NRXN1: variants seen among roughly 807,000 people sequenced by gnomAD.
NRXN1 encodes the protein neurexin 1, also known as neurexin-1.
A neutral mutation model predicts 150.9 loss-of-function variants in NRXN1; 39 were observed. The observed-to-expected ratio is 0.26, with a 90% CI of 0.20 to 0.34. The LOEUF (loss-of-function observed/expected upper bound fraction) is 0.34. Among genes scored for constraint, NRXN1 ranks in the 10% least tolerant of loss-of-function variants. The probability of loss-of-function intolerance (pLI) is 1.00; values close to 1 mark genes in which losing one functional copy is unlikely to be tolerated. For missense variants in NRXN1, 1,815 were observed against 1,949.9 expected (o/e 0.93, Z 1.30); for synonymous variants, 924 against 757.0 (o/e 1.22, Z -3.62).
At chr2:50,810,312 A>G (rs541191218) in intron 5 of NRXN1, among the ~76,000 whole-genome samples, 1 of 152,272 alleles carries the variant, frequency 6.6e-6, no homozygotes, top group South Asian at 2.1e-4. Flanking sequence ...AACCTTTCAA[A>G]ATCTGTTTTC....
chr2:50,434,078 A>T (rs1364483787), intron 17 of NRXN1, among the ~76,000 whole-genome samples: 2 of 83,660 alleles, frequency 2.4e-5, no homozygotes, highest in Admixed American at 1.9e-4. Flanking sequence ...TTTTTTTGAG[A>T]CGGAGTCTTG....
intron 5 of NRXN1, among the ~76,000 whole-genome samples, chr2:50,734,173 G>A (rs1019425034): frequency 2.6e-5 from 4 of 152,114 alleles, no homozygotes; most frequent in Non-Finnish European, 4.4e-5. Flanking sequence ...AGGCCCCTAT[G>A]TCAAAGAATT....
intron 2 of NRXN1, among the ~76,000 whole-genome samples, chr2:50,968,372 T>A (rs1694452305): frequency 1.3e-5 from 2 of 152,226 alleles, no homozygotes; most frequent in South Asian, 4.2e-4. Context: ...TAACTTAATA[T>A]CAGCCATTAA....
At chr2:50,431,253 T>C (rs577244018) in intron 17 of NRXN1, among the ~76,000 whole-genome samples, 77 of 152,314 alleles carry the variant, frequency 5.1e-4, no homozygotes, top group African/African-American at 1.8e-3. Context: ...CTTAACACTA[T>C]CATAATTACC....
At chr2:50,223,637 T>C (rs2152861184) in intron 18 of NRXN1, among the ~76,000 whole-genome samples, 1 of 152,032 alleles carries the variant, frequency 6.6e-6, no homozygotes, top group Non-Finnish European at 1.5e-5. Context: ...TATTCCTAAT[T>C]AACAGTAATG....
intron 5 of NRXN1, among the ~76,000 whole-genome samples, chr2:50,754,802 C>T (rs555669766): frequency 3.3e-5 from 5 of 151,892 alleles, no homozygotes; most frequent in Admixed American, 6.6e-5. Context: ...TAGCTCAGAG[C>T]AATGCTCATT....
chr2:50,462,438 G>C (rs1463144762), intron 17 of NRXN1, among the ~76,000 whole-genome samples: 1 of 151,670 alleles, frequency 6.6e-6, no homozygotes, highest in East Asian at 1.9e-4. Context: ...GCACAGAATG[G>C]ATCAGAGGAA....
intron 15 of NRXN1, among the ~76,000 whole-genome samples, chr2:50,482,212 T>C (rs2090525687): frequency 6.6e-6 from 1 of 152,150 alleles, no homozygotes; most frequent in Non-Finnish European, 1.5e-5. Context: ...GTGGGCATGC[T>C]AAATGGGAAA....
intron 21 of NRXN1, among the ~76,000 whole-genome samples, chr2:49,982,401 T>C (rs1680130344): frequency 6.6e-6 from 1 of 152,064 alleles, no homozygotes. Flanking sequence ...TAGCAATGCT[T>C]CCAGCACATA....
chr2:50,520,925 TA>T (rs1265076803), intron 12 of NRXN1, among the ~76,000 whole-genome samples: 8 of 152,106 alleles, frequency 5.3e-5, no homozygotes, highest in African/African-American at 1.9e-4. Flanking sequence ...GAAAAATCTG[TA>T]AAAACAACTT....
intron 17 of NRXN1, among the ~76,000 whole-genome samples, chr2:50,458,483 T>C (rs1452768046): frequency 6.6e-6 from 1 of 152,166 alleles, no homozygotes; most frequent in Non-Finnish European, 1.5e-5. Flanking sequence ...TTTTAAATGA[T>C]GGATACCCAA....
At chr2:50,146,572 G>C (rs1307413718) in intron 18 of NRXN1, among the ~76,000 whole-genome samples, 1 of 151,160 alleles carries the variant, frequency 6.6e-6, no homozygotes, top group Non-Finnish European at 1.5e-5. Context: ...ACCCAAGGAT[G>C]CTGTGAAAAT....
intron 17 of NRXN1, among the ~76,000 whole-genome samples, chr2:50,289,340 T>C (rs1395859164): frequency 1.3e-5 from 2 of 152,144 alleles, no homozygotes; most frequent in Admixed American, 6.6e-5. Context: ...GGAGTGTGGA[T>C]CTGGGTAGCT....
At chr2:50,782,452 C>A (rs1366092936) in intron 5 of NRXN1, among the ~76,000 whole-genome samples, 1 of 151,486 alleles carries the variant, frequency 6.6e-6, no homozygotes, top group East Asian at 1.9e-4. Context: ...CTGGGTGACA[C>A]AACGAGACTC....
chr2:50,809,260 T>C (rs1370213376), intron 5 of NRXN1, among the ~76,000 whole-genome samples: 3 of 152,104 alleles, frequency 2.0e-5, no homozygotes, highest in Non-Finnish European at 2.9e-5. Flanking sequence ...AACTTCTCTC[T>C]GAAGAATAAA....
At chr2:50,230,312 T>C (rs2064820558) in intron 18 of NRXN1, among the ~76,000 whole-genome samples, 1 of 151,994 alleles carries the variant, frequency 6.6e-6, no homozygotes, top group Non-Finnish European at 1.5e-5. Context: ...AAAGTTAATA[T>C]GTTTCACTGG....
At chr2:50,442,120 A>T (rs1572985978) in intron 17 of NRXN1, among the ~76,000 whole-genome samples, 1 of 152,230 alleles carries the variant, frequency 6.6e-6, no homozygotes, top group East Asian at 1.9e-4. Flanking sequence ...CAAGAATGAG[A>T]CTTCATGGGC....
intron 2 of NRXN1, among the ~76,000 whole-genome samples, chr2:50,950,844 C>T (rs1691212791): frequency 6.6e-6 from 1 of 152,176 alleles, no homozygotes; most frequent in Non-Finnish European, 1.5e-5. Context: ...TTCTAATTAT[C>T]ATCTCCATTT....
chr2:50,654,336 A>G (rs1315168070), intron 5 of NRXN1, among the ~76,000 whole-genome samples: 1 of 151,326 alleles, frequency 6.6e-6, no homozygotes, highest in Non-Finnish European at 1.5e-5. Context: ...AGCTTCATCC[A>G]TGTCCCTACA....
Sources: gnomAD v4.1 joint callset for allele counts (sites outside exome capture counted in the v4.1 genomes callset) on GRCh38, gnomAD v4.1.1 for gene constraint, MANE v1.5 for transcripts, NCBI Gene and HGNC (gene_info 2026-07-23, HGNC 2026-07-21) for gene names.